The following ERG variants were observed in gnomAD, a reference collection of about 807,000 sequenced individuals.
The protein encoded by ERG is transcriptional regulator ERG.
In ERG, 9 loss-of-function variants were observed where a neutral mutation model predicts 55.3. That is an observed-to-expected ratio of 0.16 (90% confidence interval 0.10 to 0.28). The LOEUF (loss-of-function observed/expected upper bound fraction) is 0.28, where lower values mean the gene tolerates loss of function less well. Among genes scored for constraint, ERG ranks in the 10% least tolerant of loss-of-function variants. ERG has a pLI of 1.00. For missense variants in ERG, 434 were observed against 631.6 expected (o/e 0.69, Z 3.35); for synonymous variants, 223 against 237.3 (o/e 0.94, Z 0.55).
chr21:38,403,597 T>G lies in ERG; in HGVS notation c.501A>C (p.Glu167Asp), dbSNP rs1291165635. Residue 167 changes from glutamate to aspartate, a missense_variant, in exon 4 of 10, where the codon GAA becomes GAC. Transcript: ENST00000288319. ...ILLFQNIDGKELCKMTKDDFQ... is the reference protein window; with the variant it reads ...ILLFQNIDGKDLCKMTKDDFQ... ...AGTCGTCCTTGGTCATCTTGCACAGTTCCTTCCCATCGATGTTCTGGAATA... is the reference window on the plus strand; with the variant it reads ...AGTCGTCCTTGGTCATCTTGCACAGGTCCTTCCCATCGATGTTCTGGAATA... The G allele has an allele frequency of 1.2e-6, 2 of 1,614,056 alleles. No individual in the cohort carries two copies. Among genetic ancestry groups the G allele is most frequent in the Non-Finnish European group, 1.7e-6 (2 of 1,180,026 alleles).
At chr21:38,497,259 T>G (rs1408558886) in intron 1 of ERG, among the ~76,000 whole-genome samples, 1 of 152,254 alleles carries the variant, frequency 6.6e-6, no homozygotes, top group Non-Finnish European at 1.5e-5. Context: ...AGAGTATTTT[T>G]GAAAATGGCT....
chr21:38,507,893 A>G (rs1035771695), intron 2 of ERG, among the ~76,000 whole-genome samples: 1 of 151,976 alleles, frequency 6.6e-6, no homozygotes, highest in Non-Finnish European at 1.5e-5. Flanking sequence ...CACAAAGTTA[A>G]GATGACAGCT....
the ERG span, among the ~76,000 whole-genome samples, chr21:38,370,849 A>G: frequency 2.0e-5 from 3 of 152,124 alleles, no homozygotes; most frequent in South Asian, 4.1e-4. Flanking sequence ...CTAGGGGAAC[A>G]AAAAACACAA....
In ERG at chr21:38,490,640, C is replaced by T. The variant is rs570069489; in HGVS notation, c.18+7723G>A. ...CACTGCTGTTAGCTCCCCCTGCGTC[C>T]TGGCAGCAGCACAGTCAGCAGATGG... On this transcript the variant is annotated intron_variant, in intron 1 of 9. Transcript: ENST00000288319. 3.9e-5 allele frequency among the ~76,000 whole-genome samples: 6 copies of T among 152,348 alleles called. No homozygotes were observed. In the East Asian group the frequency reaches 1.2e-3, roughly 29 times the overall value.
At chr21:38,523,915 G>A (rs1166678938) in intron 2 of ERG, among the ~76,000 whole-genome samples, 4 of 152,198 alleles carry the variant, frequency 2.6e-5, no homozygotes, top group African/African-American at 9.7e-5. Context: ...AACAGAAACA[G>A]AGAGTTCCGG....
At chr21:38,445,381 G>A (rs766989188) in intron 2 of ERG, 23 bp downstream of exon 2, 1 of 1,585,188 alleles carries the variant, frequency 6.3e-7, no homozygotes, top group African/African-American at 1.3e-5. Flanking sequence ...GTCAGGGAGA[G>A]AAAGGGGCGG....
At chr21:38,575,978 G>A (rs756570755) in intron 1 of ERG, among the ~76,000 whole-genome samples, 2 of 152,220 alleles carry the variant, frequency 1.3e-5, no homozygotes, top group African/African-American at 4.8e-5. Flanking sequence ...ACCCTAGTCC[G>A]ACAGGACAGA....
At chr21:38,660,087 G>T (rs554039131) in intron 1 of ERG, among the ~76,000 whole-genome samples, 1 of 152,344 alleles carries the variant, frequency 6.6e-6, no homozygotes, top group South Asian at 2.1e-4. Flanking sequence ...CGGTGTTGCG[G>T]GGTGTGCGGG....
rs535013040 is a variant in ERG at position 38,649,045 on chromosome 21, C to T, written c.-150+12613G>A. Among the ~76,000 whole-genome samples the T allele has an allele frequency of 2.6e-5, 4 of 152,284 alleles. No homozygotes were observed. In the East Asian group the frequency reaches 7.7e-4, roughly 29 times the overall value. Reference sequence around the variant, plus strand: ...CACTTGTCATGCCCCTGAATCCACCCACACATCTCTATAACATATGAAAAC... The same window carrying T: ...CACTTGTCATGCCCCTGAATCCACCTACACATCTCTATAACATATGAAAAC... On this transcript the variant is annotated intron_variant, in intron 1 of 10. Coordinates refer to the ERG transcript ENST00000398910.
At chr21:38,590,148 T>C (rs532891779) in intron 1 of ERG, among the ~76,000 whole-genome samples, 16 of 152,326 alleles carry the variant, frequency 1.1e-4, no homozygotes, top group African/African-American at 3.4e-4. Flanking sequence ...ATGTTGAGTG[T>C]CCAGGTACTG....
intron 1 of ERG, among the ~76,000 whole-genome samples, chr21:38,607,895 C>T (rs184994559): frequency 2.1e-4 from 31 of 146,386 alleles, no homozygotes; most frequent in Non-Finnish European, 4.3e-4. Flanking sequence ...TGGGTAGAAA[C>T]AATGCTTGAT....
intron 2 of ERG, among the ~76,000 whole-genome samples, chr21:38,560,090 T>C (rs761943710): frequency 2.0e-5 from 3 of 152,232 alleles, no homozygotes; most frequent in Non-Finnish European, 4.4e-5. Flanking sequence ...GAAGCCATTT[T>C]AGGTCATGAA....
intron 2 of ERG, among the ~76,000 whole-genome samples, chr21:38,425,213 G>A (rs1349093256): frequency 1.3e-5 from 2 of 152,048 alleles, no homozygotes; most frequent in Admixed American, 6.6e-5. Flanking sequence ...GAGAAACCCA[G>A]TCTTTACTAA....
intron 1 of ERG, among the ~76,000 whole-genome samples, chr21:38,648,294 C>T (rs1042277404): frequency 1.3e-5 from 2 of 152,160 alleles, no homozygotes; most frequent in African/African-American, 2.4e-5. Flanking sequence ...GAGAAGTAGC[C>T]TGTATTTCAA....
At chr21:38,600,358 G>A (rs2060157537) in intron 1 of ERG, among the ~76,000 whole-genome samples, 1 of 152,156 alleles carries the variant, frequency 6.6e-6, no homozygotes, top group Non-Finnish European at 1.5e-5. Flanking sequence ...CTGTAGCTGG[G>A]GTCCCATTTT....
intron 2 of ERG, among the ~76,000 whole-genome samples, chr21:38,436,823 CTT>C (rs1288920296): frequency 3.3e-5 from 5 of 151,828 alleles, no homozygotes; most frequent in Admixed American, 3.3e-4. Flanking sequence ...CTGAATGTGT[CTT>C]ATGATCTCAC....
chr21:38,432,141 C>T (rs1990242735), intron 2 of ERG, among the ~76,000 whole-genome samples: 2 of 152,200 alleles, frequency 1.3e-5, no homozygotes, highest in South Asian at 2.1e-4. Flanking sequence ...GTCACCCAGG[C>T]TGGAGTACAG....
chr21:38,398,651 A>G (rs1376350111), intron 6 of ERG, among the ~76,000 whole-genome samples: 1 of 152,212 alleles, frequency 6.6e-6, no homozygotes, highest in East Asian at 1.9e-4. Flanking sequence ...ACATCCTCAC[A>G]GTCACCCTCT....
At chr21:38,579,711 A>G (rs1049745693) in intron 1 of ERG, among the ~76,000 whole-genome samples, 1 of 152,172 alleles carries the variant, frequency 6.6e-6, no homozygotes, top group African/African-American at 2.4e-5. Flanking sequence ...ACGCAGCGTG[A>G]TGGCACTGCC....
Sources: allele counts gnomAD v4.1 joint callset (sites outside exome capture counted in the v4.1 genomes callset), GRCh38; gene constraint gnomAD v4.1.1; transcripts MANE v1.5; gene names NCBI Gene and HGNC (gene_info 2026-07-23, HGNC 2026-07-21).